Variants in KIRREL1 observed in about 807,000 individuals in gnomAD.
The protein encoded by KIRREL1 is kirre like nephrin family adhesion molecule 1.
KIRREL1 carries 25 observed loss-of-function variants against 83.3 expected under a neutral mutation model. The ratio of observed to expected loss-of-function variants is 0.30; its 90% CI spans 0.22 to 0.42. The LOEUF (loss-of-function observed/expected upper bound fraction) is 0.42, where lower values mean the gene tolerates loss of function less well. Among genes scored for constraint, KIRREL1 ranks in the 10% least tolerant of loss-of-function variants. The pLI, the probability that KIRREL1 is intolerant of heterozygous loss-of-function variation, is 1.00. For synonymous variants in KIRREL1, 388 were observed against 410.4 expected (o/e 0.95, Z 0.66); for missense variants, 812 against 1,032.3 (o/e 0.79, Z 2.92).
intron 4 of KIRREL1, among the ~76,000 whole-genome samples, chr1:158,085,123 T>G (rs1298686548): frequency 6.6e-6 from 1 of 152,230 alleles, no homozygotes. Flanking sequence ...CAGAGATCCT[T>G]GTATACATTT....
At chr1:158,038,776 C>T (rs1660544527) in intron 1 of KIRREL1, among the ~76,000 whole-genome samples, 1 of 152,192 alleles carries the variant, frequency 6.6e-6, no homozygotes, top group Non-Finnish European at 1.5e-5. Flanking sequence ...GTCAAAGAAA[C>T]AGTAGACTTG....
intron 1 of KIRREL1, among the ~76,000 whole-genome samples, chr1:158,029,364 T>TGCGC (rs1160923116): frequency 4.1e-5 from 6 of 147,742 alleles, no homozygotes; most frequent in African/African-American, 1.5e-4. Flanking sequence ...TGTGTGTGTG[T>TGCGC]GTGCACGTGC....
chr1:158,025,102 G>A (rs1215592866), intron 1 of KIRREL1, among the ~76,000 whole-genome samples: 1 of 152,174 alleles, frequency 6.6e-6, no homozygotes, highest in Non-Finnish European at 1.5e-5. Flanking sequence ...ACCTGTCACT[G>A]GGTCTCACAT....
At chr1:158,088,737 G>T (rs1459078479) in intron 8 of KIRREL1, among the ~76,000 whole-genome samples, 1 of 152,030 alleles carries the variant, frequency 6.6e-6, no homozygotes, top group African/African-American at 2.4e-5. Context: ...GCCCGCCTCG[G>T]CCTCCCAAAG....
intron 1 of KIRREL1, among the ~76,000 whole-genome samples, chr1:158,042,323 C>A (rs1177301713): frequency 6.6e-6 from 1 of 152,010 alleles, no homozygotes; most frequent in African/African-American, 2.4e-5. Flanking sequence ...CCTAGATGCT[C>A]CCGGCACCAG....
At chr1:158,077,578 G>T (rs1264420408) in intron 2 of KIRREL1, among the ~76,000 whole-genome samples, 2 of 152,144 alleles carry the variant, frequency 1.3e-5, no homozygotes, top group African/African-American at 4.8e-5. Flanking sequence ...TGCCTTATGA[G>T]TCCTGCAGAG....
Position 158,095,100 on chromosome 1 carries a change from C to T in KIRREL1, c.2254C>T (p.Arg752Cys), listed in dbSNP as rs1255668159. ...GGACTACGGCCAGCGATTCCAGCAG[C>T]GCATGCAGACTCACGTGTAGGGGCC... ...HSDYGQRFQQ[R>C]MQTHV Residue 752 changes from arginine to cysteine, a missense_variant, in exon 15 of 15, where the codon CGC becomes TGC. Around this residue, in one of 3 missense-constraint regions of KIRREL1, gnomAD observed 334 missense variants for 383.7 expected, o/e 0.87. Coordinates refer to ENST00000359209, the MANE Select transcript of KIRREL1 (RefSeq NM_018240.7). The T allele has an allele frequency of 3.7e-6, 6 of 1,601,770 alleles. No homozygotes were observed. Among genetic ancestry groups the T allele is most frequent in the East Asian group, 2.2e-5 (1 of 44,642 alleles).
At position 157,993,875 on chromosome 1, in the gene KIRREL1, C is replaced by A; in HGVS notation, c.52+147C>A. On this transcript the variant is annotated intron_variant, in intron 1 of 14. Coordinates refer to ENST00000359209, the MANE Select transcript of KIRREL1 (RefSeq NM_018240.7). ...ACGAGGCGGGGGCTCGGTCCGGGCG[C>A]AGAGCCCTGGGGGAGGGGGCGCGGA... is the stretch of plus-strand genomic sequence containing the variant. The A allele has an allele frequency of 6.2e-6, 3 of 481,554 alleles. No individual in the cohort carries two copies. In the East Asian group the frequency reaches 1.1e-4, roughly 17 times the overall value. The allele number at this position is 481,554 out of a possible 1,614,324, so 29.8% of individuals were successfully genotyped here.
chr1:158,059,949 G>A (rs1015634121), intron 1 of KIRREL1, among the ~76,000 whole-genome samples: 14 of 152,106 alleles, frequency 9.2e-5, no homozygotes, highest in Non-Finnish European at 1.5e-5. Context: ...ACTGTTTGGG[G>A]TTAGGGTTGA....
rs1293767068 is a variant in KIRREL1, at chr1:158,094,618, C to T, written c.1798-26C>T. 2 of 1,540,358 alleles carry T rather than the reference C, an allele frequency of 1.3e-6. No individual in the cohort carries two copies. Among genetic ancestry groups the T allele is most frequent in the Non-Finnish European group, 1.8e-6 (2 of 1,132,458 alleles). ...CCCCACCCAAGAGGGAACACTGCCT[C>T]CATCCTCTTCTCTCATTGCCCCCAG... On this transcript the variant is annotated intron_variant, in intron 14 of 14. Transcript: ENST00000359209. The surrounding 1 kb of genome is among the most constrained non-coding windows in gnomAD (Gnocchi z 4.6).
At chr1:158,025,992 C>T (rs1261761616) in intron 1 of KIRREL1, among the ~76,000 whole-genome samples, 3 of 152,140 alleles carry the variant, frequency 2.0e-5, no homozygotes, top group African/African-American at 7.2e-5. Context: ...GCAGATGGGA[C>T]CCCTGCCCTG....
Position 158,100,167 on chromosome 1 carries a change from A to T in KIRREL1, c.*5047A>T, listed in dbSNP as rs2101656698. ...TATTCTACTTTTTTTTCCTTTTTTTAAAAATATTATGTACTATATTTTTAG... is the reference window on the plus strand; with the variant it reads ...TATTCTACTTTTTTTTCCTTTTTTTTAAAATATTATGTACTATATTTTTAG... On this transcript the variant is annotated 3_prime_UTR_variant, in exon 15 of 15. Transcript: ENST00000359209. 1 of 150,574 alleles carries T rather than the reference A, an allele frequency of 6.6e-6. No homozygotes were observed. Among genetic ancestry groups the T allele is most frequent in the South Asian group, 2.1e-4 (1 of 4,806 alleles). The allele number at this position is 150,574 out of a possible 1,614,324, so 9.3% of individuals were successfully genotyped here. A position where few individuals can be genotyped will look rare whatever the true frequency, so the allele number is the denominator to read the frequency against.
chr1:157,999,220 A>T (rs1659289551), intron 1 of KIRREL1, among the ~76,000 whole-genome samples: 1 of 152,220 alleles, frequency 6.6e-6, no homozygotes, highest in Admixed American at 6.5e-5. Context: ...TCATTTGTGA[A>T]GCAAAACTTA....
chr1:158,033,017 C>T (rs1251771679), intron 1 of KIRREL1, among the ~76,000 whole-genome samples: 2 of 152,118 alleles, frequency 1.3e-5, no homozygotes, highest in South Asian at 2.1e-4. Flanking sequence ...GTGATCTGCC[C>T]GCCTCAGCCT....
intron 1 of KIRREL1, among the ~76,000 whole-genome samples, chr1:158,022,702 G>A (rs1283410048): frequency 6.6e-6 from 1 of 152,174 alleles, no homozygotes; most frequent in Non-Finnish European, 1.5e-5. Flanking sequence ...TCCCCAAACA[G>A]CCTCCAGAAC....
In KIRREL1 at chr1:158,098,417, C is replaced by G. The variant is rs930258287; in HGVS notation, c.*3297C>G. The G allele has an allele frequency of 6.6e-6, 1 of 152,248 alleles. No individual in the cohort carries two copies. Among genetic ancestry groups the G allele is most frequent in the Admixed American group, 6.5e-5 (1 of 15,288 alleles). 9.4% of individuals were successfully genotyped at this position (152,248 alleles called of 1,614,324 possible). On this transcript the variant is annotated 3_prime_UTR_variant, in exon 15 of 15. Transcript: ENST00000359209. ...TCCTCTGGCCCAGGGACAGCTTGTTCTTCTCACCAAACAGGTGAAGCCTGC... is the reference window on the plus strand; with the variant it reads ...TCCTCTGGCCCAGGGACAGCTTGTTGTTCTCACCAAACAGGTGAAGCCTGC...
chr1:158,088,570 C>T (rs1008581009), intron 8 of KIRREL1, 116 bp downstream of exon 8: 43 of 893,648 alleles, frequency 4.8e-5, no homozygotes, highest in African/African-American at 2.5e-4. Flanking sequence ...CTGCAAGCTC[C>T]GCCTCCCGGG....
chr1:158,093,318 C>A, intron 11 of KIRREL1, 21 bp from the exon 12 acceptor site: 1 of 1,603,378 alleles, frequency 6.2e-7, no homozygotes, highest in Non-Finnish European at 8.5e-7. Context: ...CACCCCTCCA[C>A]CTTTCCTTCC....
Position 158,096,123 on chromosome 1 carries a change from C to A in KIRREL1, c.*1003C>A. 1 of 157,620 alleles carries A rather than the reference C, an allele frequency of 6.3e-6. No homozygotes were observed. The highest frequency in any genetic ancestry group is 1.4e-5 in the Non-Finnish European group (1 of 71,272). The allele number at this position is 157,620 out of a possible 1,614,324, so 9.8% of individuals were successfully genotyped here. A position where few individuals can be genotyped will look rare whatever the true frequency, so the allele number is the denominator to read the frequency against. ...GGATTCCCCCACCCAAATACAAGTC[C>A]CAGTGGAAAGGAAAGGTAGTACCTA... On this transcript the variant is annotated 3_prime_UTR_variant, in exon 15 of 15. Coordinates refer to ENST00000359209, the MANE Select transcript of KIRREL1 (RefSeq NM_018240.7).
Sources: gnomAD v4.1 joint callset for allele counts (sites outside exome capture counted in the v4.1 genomes callset) on GRCh38, gnomAD v4.1.1 for gene constraint, gnomAD v4.1.1 regional missense constraint, Gnocchi (gnomAD v3.1) non-coding constraint, MANE v1.5 for transcripts, NCBI Gene and HGNC (gene_info 2026-07-23, HGNC 2026-07-21) for gene names.